CAVIN2: variants seen among roughly 807,000 people sequenced by gnomAD.
The protein encoded by CAVIN2 is caveolae-associated protein 2.
A neutral mutation model predicts 11.7 loss-of-function variants in CAVIN2; 13 were observed. The ratio of observed to expected loss-of-function variants is 1.11; its 90% CI spans 0.72 to 1.77. The LOEUF (loss-of-function observed/expected upper bound fraction) is 1.77, where lower values mean the gene tolerates loss of function less well. Among genes scored for constraint, CAVIN2 ranks in the 40% most tolerant of loss-of-function variants. The probability of loss-of-function intolerance (pLI) is 0.00; values close to 1 mark genes in which losing one functional copy is unlikely to be tolerated. For missense variants in CAVIN2, 549 were observed against 542.9 expected, an observed-to-expected ratio of 1.01 and a Z score of -0.11; for synonymous variants, 237 against 223.2, an observed-to-expected ratio of 1.06 and a Z score of -0.55.
chr2:191,835,831 T>G lies in CAVIN2; in HGVS notation c.*92A>C. ...TACTGCCTGGACAGGAACGCAGGAG[T>G]GGGTGAGTCGTGCTGGAGATGTGCA... On this transcript the variant is annotated 3_prime_UTR_variant, in exon 2 of 2. Transcript: ENST00000304141. The G allele has an allele frequency of 1.6e-6, 2 of 1,247,642 alleles. No individual in the cohort carries two copies. Among genetic ancestry groups the G allele is most frequent in the Non-Finnish European group, 2.2e-6 (2 of 904,198 alleles). 77.3% of individuals were successfully genotyped at this position (1,247,642 alleles called of 1,614,324 possible).
At chr2:191,845,745 T>C (rs1690156201) in intron 1 of CAVIN2, among the ~76,000 whole-genome samples, 1 of 152,228 alleles carries the variant, frequency 6.6e-6, no homozygotes, top group African/African-American at 2.4e-5. Flanking sequence ...CCTTTGTGAC[T>C]ATAACTGATA....
intron 1 of CAVIN2, among the ~76,000 whole-genome samples, chr2:191,839,796 G>A (rs1690069507): frequency 6.6e-6 from 1 of 152,140 alleles, no homozygotes; most frequent in African/African-American, 2.4e-5. Flanking sequence ...TTATTTTGTG[G>A]CTTCTGATGG....
chr2:191,840,855 C>T lies in CAVIN2; in HGVS notation c.484-4138G>A, dbSNP rs965599077. The stretch of plus-strand genomic sequence containing the variant: ...CTTTCCTGTCACTAACTCATCATTC[C>T]TGTTGGCAGAAGAAAATAACAAAGG... On this transcript the variant is annotated intron_variant, in intron 1 of 1. Transcript: ENST00000304141. 4.6e-5 allele frequency among the ~76,000 whole-genome samples: 7 copies of T among 152,198 alleles called. No individual in the cohort carries two copies. The South Asian group carries it at 1.4e-3, about 32-fold the overall frequency.
At chr2:191,842,401 T>C (rs984172977) in intron 1 of CAVIN2, among the ~76,000 whole-genome samples, 9 of 152,224 alleles carry the variant, frequency 5.9e-5, no homozygotes. Context: ...GGCTACTGCA[T>C]CCTCAGGGCC....
chr2:191,841,312 A>G (rs1365745416), intron 1 of CAVIN2, among the ~76,000 whole-genome samples: 1 of 152,236 alleles, frequency 6.6e-6, no homozygotes, highest in African/African-American at 2.4e-5. Context: ...AAACAAAAAA[A>G]CCAAAGCACA....
At chr2:191,844,367 T>TGG (rs1690136173) in intron 1 of CAVIN2, among the ~76,000 whole-genome samples, 1 of 152,222 alleles carries the variant, frequency 6.6e-6, no homozygotes, top group South Asian at 2.1e-4. Context: ...TACAAAACAA[T>TGG]CATCTTGCGA....
intron 1 of CAVIN2, 130 bp downstream of exon 1, chr2:191,846,312 GA>G: frequency 8.9e-7 from 1 of 1,125,392 alleles, no homozygotes; most frequent in Non-Finnish European, 1.2e-6. Flanking sequence ...GCAGACAGGG[GA>G]CAGTGCCTTG....
At chr2:191,845,667 C>A (rs1050494815) in intron 1 of CAVIN2, among the ~76,000 whole-genome samples, 1 of 152,136 alleles carries the variant, frequency 6.6e-6, no homozygotes, top group Non-Finnish European at 1.5e-5. Context: ...ATCATTGATG[C>A]ATTAAAAAAA....
intron 1 of CAVIN2, among the ~76,000 whole-genome samples, chr2:191,845,646 A>G (rs1690154584): frequency 6.6e-6 from 1 of 152,224 alleles, no homozygotes; most frequent in Non-Finnish European, 1.5e-5. Flanking sequence ...GCCTCTTGCT[A>G]CATTAATTGC....
chr2:191,836,679 CT>C lies in CAVIN2; in HGVS notation c.521del (p.Gln174ArgfsTer58). On this transcript the variant is annotated frameshift_variant, in exon 2 of 2. Transcript: ENST00000304141. LOFTEE classifies it low-confidence loss of function (END_TRUNC). ...NEIPASVFVK[Q>X]PVSGAVEGKE... Reference sequence around the variant, plus strand: ...TCCCTTCCACGGCACCGGAAACGGGCTGTTTCACAAACACGCTGGCAGGGAT... The same window carrying C: ...TCCCTTCCACGGCACCGGAAACGGGCGTTTCACAAACACGCTGGCAGGGAT... The C allele has an allele frequency of 6.2e-7, 1 of 1,613,896 alleles. No homozygotes were observed. Among genetic ancestry groups the C allele is most frequent in the Non-Finnish European group, 8.5e-7 (1 of 1,179,904 alleles).
intron 1 of CAVIN2, among the ~76,000 whole-genome samples, chr2:191,837,850 C>T (rs1690044222): frequency 6.6e-6 from 1 of 152,350 alleles, no homozygotes; most frequent in African/African-American, 2.4e-5. Flanking sequence ...GGCCAGAGGC[C>T]TGAGTCTCAG....
intron 1 of CAVIN2, among the ~76,000 whole-genome samples, chr2:191,844,341 G>T (rs1690135764): frequency 6.6e-6 from 1 of 152,196 alleles, no homozygotes; most frequent in Non-Finnish European, 1.5e-5. Context: ...GAGGGACTGT[G>T]CTTGCATTAG....
In CAVIN2 at chr2:191,846,497, C is replaced by T. The variant is rs764483012; in HGVS notation, c.429G>A (p.Glu143=). The change falls in exon 1 of 2, where the codon GAG becomes GAA. Residue 143 remains glutamate, a synonymous_variant. Transcript: ENST00000304141. ...GTCGGAGGAGCTGGGCGTGGTTGTT[C>T]TCCAGCCGCTTCACCTGTGCGCACT... ...DRQCAQVKRL[E]NNHAQLLRRN... The T allele has an allele frequency of 6.2e-7, 1 of 1,614,192 alleles. No individual in the cohort carries two copies. Among genetic ancestry groups the T allele is most frequent in the East Asian group, 2.2e-5 (1 of 44,886 alleles).
intron 1 of CAVIN2, among the ~76,000 whole-genome samples, chr2:191,838,610 G>A (rs889741214): frequency 6.6e-6 from 1 of 152,268 alleles, no homozygotes; most frequent in African/African-American, 2.4e-5. Context: ...TAAATAAAAG[G>A]AGCATGGGAC....
Position 191,836,188 on chromosome 2 carries a change from G to A in CAVIN2, c.1013C>T (p.Ser338Phe). The A allele has an allele frequency of 6.2e-7, 1 of 1,614,076 alleles. No individual in the cohort carries two copies. The highest frequency in any genetic ancestry group is 8.5e-7 in the Non-Finnish European group (1 of 1,180,034). ...CAGAGCGCTGGCGAGGGACGCTTCG[G>A]AATGACCCTCTGCAAAGGACTCCTC... ...QEEESFAEGH[S>F]EASLASALVE... Residue 338 changes from serine (S) to phenylalanine (F), a missense_variant, in exon 2 of 2, where the codon TCC becomes TTC. By Grantham distance (155) the Ser-to-Phe change is radical. Transcript: ENST00000304141.
chr2:191,846,472 G>C lies in CAVIN2; in HGVS notation c.454C>G (p.Arg152Gly). The stretch of plus-strand genomic sequence containing the variant: ...AAGATGAGCACTTTGAAATGGTTGC[G>C]TCGGAGGAGCTGGGCGTGGTTGTTC... ...LENNHAQLLR[R>G]NHFKVLIFQE... Residue 152 changes from arginine (R) to glycine (G), a missense_variant, in exon 1 of 2, where the codon CGC becomes GGC. Coordinates refer to ENST00000304141, the MANE Select transcript of CAVIN2 (RefSeq NM_004657.6). 6.2e-7 allele frequency: 1 copy of C among 1,613,676 alleles called. No homozygotes were observed. Among genetic ancestry groups the C allele is most frequent in the Middle Eastern group, 1.7e-4 (1 of 6,060 alleles).
intron 1 of CAVIN2, among the ~76,000 whole-genome samples, chr2:191,839,318 A>T (rs4853645): frequency 0.091 from 13,821 of 152,296 alleles, 833 homozygotes; most frequent in East Asian, 0.29. Flanking sequence ...TTTAATCCCA[A>T]CAAAAGGTAG....
intron 1 of CAVIN2, among the ~76,000 whole-genome samples, chr2:191,840,091 C>T (rs1456900457): frequency 4.6e-5 from 7 of 152,184 alleles, no homozygotes; most frequent in Non-Finnish European, 1.0e-4. Context: ...AGCTCCCCCA[C>T]ACACCTCGTG....
At chr2:191,844,348 T>C (rs559931894) in intron 1 of CAVIN2, among the ~76,000 whole-genome samples, 1 of 152,356 alleles carries the variant, frequency 6.6e-6, no homozygotes, top group South Asian at 2.1e-4. Flanking sequence ...TGTGCTTGCA[T>C]TAGTTTTATA....
Sources: allele counts gnomAD v4.1 joint callset (sites outside exome capture counted in the v4.1 genomes callset), GRCh38; gene constraint gnomAD v4.1.1; transcripts MANE v1.5; gene names NCBI Gene and HGNC (gene_info 2026-07-23, HGNC 2026-07-21).